Variants in GPAT3 observed in about 807,000 individuals in gnomAD.
GPAT3 encodes glycerol-3-phosphate acyltransferase 3, also known as 1-AGP acyltransferase 9.
A neutral mutation model predicts 58.8 loss-of-function variants in GPAT3; 53 were observed. The observed-to-expected ratio is 0.90, with a 90% CI of 0.72 to 1.13. The LOEUF is 1.13. Among genes scored for constraint, GPAT3 ranks in the 50% most tolerant of loss-of-function variants. The probability of loss-of-function intolerance (pLI) is 0.00; values close to 1 mark genes in which losing one functional copy is unlikely to be tolerated. For synonymous variants in GPAT3, 197 were observed against 187.4 expected (o/e 1.05, Z -0.42); for missense variants, 511 against 527.6 (o/e 0.97, Z 0.31).
intron 1 of GPAT3, among the ~76,000 whole-genome samples, chr4:83,544,078 C>T (rs946651207): frequency 6.6e-6 from 1 of 152,188 alleles, no homozygotes; most frequent in Non-Finnish European, 1.5e-5. Flanking sequence ...ACACTTTACG[C>T]CCTACGTTTA....
intron 6 of GPAT3, among the ~76,000 whole-genome samples, chr4:83,593,571 C>A (rs1042468444): frequency 1.3e-5 from 2 of 152,136 alleles, no homozygotes; most frequent in Non-Finnish European, 2.9e-5. Flanking sequence ...CTCCCATTTT[C>A]ATAATGAAAA....
intron 3 of GPAT3, among the ~76,000 whole-genome samples, chr4:83,585,828 C>A (rs1726355108): frequency 6.6e-6 from 1 of 152,156 alleles, no homozygotes; most frequent in Non-Finnish European, 1.5e-5. Context: ...CTCAAGTGAT[C>A]CACTCGCCTG....
At chr4:83,574,650 T>TAGAA (rs1725723779) in intron 2 of GPAT3, among the ~76,000 whole-genome samples, 1 of 78,212 alleles carries the variant, frequency 1.3e-5, no homozygotes, top group Non-Finnish European at 2.5e-5. Flanking sequence ...TTTTTTTTTT[T>TAGAA]TTTTTTTTTT....
At chr4:83,540,802 G>T (rs1219928546) in intron 1 of GPAT3, among the ~76,000 whole-genome samples, 1 of 152,138 alleles carries the variant, frequency 6.6e-6, no homozygotes, top group African/African-American at 2.4e-5. Flanking sequence ...TGATTCTCCT[G>T]CCTCAGCCTC....
chr4:83,577,694 T>C (rs1187709003), intron 2 of GPAT3, among the ~76,000 whole-genome samples: 3 of 152,062 alleles, frequency 2.0e-5, no homozygotes, highest in Non-Finnish European at 2.9e-5. Flanking sequence ...AGGCTCTGAA[T>C]GTGTTTGAAT....
chr4:83,542,747 C>T (rs1317651047), intron 1 of GPAT3, among the ~76,000 whole-genome samples: 1 of 152,178 alleles, frequency 6.6e-6, no homozygotes, highest in African/African-American at 2.4e-5. Context: ...CCTATAATCC[C>T]AGCACTTTGG....
At chr4:83,575,192 T>G (rs1427039945) in intron 2 of GPAT3, among the ~76,000 whole-genome samples, 1 of 152,014 alleles carries the variant, frequency 6.6e-6, no homozygotes, top group Non-Finnish European at 1.5e-5. Flanking sequence ...CATTTCTTGA[T>G]GCCAAAACAA....
Position 83,597,517 on chromosome 4 carries a change from T to TA in GPAT3, c.996+6dup. 6.7e-7 allele frequency: 1 copy of TA among 1,502,978 alleles called. No individual in the cohort carries two copies. Among genetic ancestry groups the TA allele is most frequent in the South Asian group, 1.3e-5 (1 of 76,510 alleles). The allele number at this position is 1,502,978 out of a possible 1,614,324, so 93.1% of individuals were successfully genotyped here. A position where few individuals can be genotyped will look rare whatever the true frequency, so the allele number is the denominator to read the frequency against. ...ACCATACATCCAGTTGCAATTAAGG[T>TA]AAAACAGATACCATAATAAGAATAA... is the stretch of plus-strand genomic sequence containing the variant. On this transcript the variant is annotated splice_region_variant and intron_variant, in intron 9 of 11. Transcript: ENST00000264409.
At chr4:83,575,570 G>A (rs548707631) in intron 2 of GPAT3, among the ~76,000 whole-genome samples, 2 of 151,862 alleles carry the variant, frequency 1.3e-5, no homozygotes, top group East Asian at 3.9e-4. Flanking sequence ...CCACCACCAC[G>A]CCTGGCTAAT....
intron 4 of GPAT3, 94 bp downstream of exon 4, chr4:83,587,423 C>A: frequency 9.2e-7 from 1 of 1,091,884 alleles, no homozygotes; most frequent in Non-Finnish European, 1.3e-6. Context: ...CTATGTATTG[C>A]ATTATTATTA....
rs529043483 is a variant in GPAT3, at chr4:83,549,711, T to TTTATTATTATTATTATTATTA, written c.208+5126_208+5127insATTATTATTATTATTATTATT. 3.2e-3 allele frequency among the ~76,000 whole-genome samples: 458 copies of TTTATTATTATTATTATTATTA among 142,860 alleles called. 5 individuals carry two copies. Among genetic ancestry groups the TTTATTATTATTATTATTATTA allele is most frequent in the African/African-American group, 0.012 (437 of 37,984 alleles). The allele number at this position is 142,860 out of a possible 152,430, so 93.7% of individuals were successfully genotyped here. Reference sequence around the variant, plus strand: ...CACGCCTGGCTAATTTTTGTATATATTTATTATTATTATTATTGTTATTAT... The same window carrying TTTATTATTATTATTATTATTA: ...CACGCCTGGCTAATTTTTGTATATATTTATTATTATTATTATTATTATTATTATTATTATTATTGTTATTAT... On this transcript the variant is annotated intron_variant, in intron 2 of 11. Transcript: ENST00000264409.
intron 11 of GPAT3, among the ~76,000 whole-genome samples, chr4:83,600,503 A>AATT (rs10677753): frequency 0.53 from 79,993 of 150,264 alleles, 22,013 homozygotes; most frequent in Middle Eastern, 0.72. Context: ...TGGGGGATTG[A>AATT]ATTATTATTA....
At chr4:83,558,008 T>C (rs1024155814) in intron 2 of GPAT3, among the ~76,000 whole-genome samples, 1 of 151,894 alleles carries the variant, frequency 6.6e-6, no homozygotes, top group African/African-American at 2.4e-5. Flanking sequence ...AGGTCAGGAG[T>C]TCGAGACCAG....
intron 6 of GPAT3, among the ~76,000 whole-genome samples, chr4:83,590,802 A>T (rs888316408): frequency 8.6e-5 from 13 of 151,938 alleles, no homozygotes; most frequent in African/African-American, 2.7e-4. Flanking sequence ...AATGAAACAA[A>T]CCCAAGAACA....
chr4:83,566,710 A>G (rs1057152044), intron 2 of GPAT3, among the ~76,000 whole-genome samples: 3 of 150,868 alleles, frequency 2.0e-5, no homozygotes, highest in African/African-American at 7.3e-5. Context: ...GACATTATCT[A>G]TGTTGGGTCT....
At position 83,539,177 on chromosome 4, in the gene GPAT3, G is replaced by T. The variant is rs553859849; in HGVS notation, c.141+2414G>T. 2.0e-5 allele frequency among the ~76,000 whole-genome samples: 3 copies of T among 152,278 alleles called. No individual in the cohort carries two copies. The East Asian group carries it at 5.8e-4, about 29-fold the overall frequency. On this transcript the variant is annotated intron_variant, in intron 1 of 11. Coordinates refer to ENST00000264409, the MANE Select transcript of GPAT3 (RefSeq NM_032717.5). ...GGTGGATTGCTTTTCTCAACTATAG[G>T]AATAATTCCTTAAGGGATTATGCTG...
At chr4:83,547,204 G>A (rs1434004836) in intron 2 of GPAT3, among the ~76,000 whole-genome samples, 1 of 144,408 alleles carries the variant, frequency 6.9e-6, no homozygotes, top group Non-Finnish European at 1.5e-5. Context: ...GAGAGGGAGA[G>A]TTATGCTTAT....
chr4:83,562,221 A>AT (rs1332546359), intron 2 of GPAT3, among the ~76,000 whole-genome samples: 4 of 73,916 alleles, frequency 5.4e-5, no homozygotes, highest in African/African-American at 1.9e-4. Context: ...TTATATATAT[A>AT]TATAATATAT....
At chr4:83,578,997 C>T (rs1174794738) in intron 2 of GPAT3, among the ~76,000 whole-genome samples, 4,570 of 59,086 alleles carry the variant, frequency 0.077, 620 homozygotes, top group African/African-American at 0.11. Context: ...TCCTTCCTTC[C>T]TTCCTTCCTT....
Sources: gnomAD v4.1 joint callset for allele counts (sites outside exome capture counted in the v4.1 genomes callset) on GRCh38, gnomAD v4.1.1 for gene constraint, MANE v1.5 for transcripts, NCBI Gene and HGNC (gene_info 2026-07-23, HGNC 2026-07-21) for gene names.